Variants in TACC2 observed in about 807,000 individuals in gnomAD.
TACC2 encodes transforming acidic coiled-coil containing protein 2.
TACC2 carries 137 observed loss-of-function variants against 227.3 expected under a neutral mutation model. That is an observed-to-expected ratio of 0.60 (90% CI 0.52 to 0.69). The LOEUF is 0.69. Among genes scored for constraint, TACC2 ranks in the 30% least tolerant of loss-of-function variants. The pLI is 0.00. For missense variants in TACC2, 3,470 were observed against 3,694.4 expected (o/e 0.94, Z 1.57); for synonymous variants, 1,523 against 1,487.5 (o/e 1.02, Z -0.55).
chr10:122,047,061 C>T (rs549904818), intron 2 of TACC2, among the ~76,000 whole-genome samples: 1 of 151,400 alleles, frequency 6.6e-6, no homozygotes, highest in African/African-American at 2.4e-5. Context: ...GAGGCTGAGG[C>T]GGGCAGATCA....
chr10:122,241,954 A>G lies in TACC2; in HGVS notation c.8349-4A>G. On this transcript the variant is annotated splice_polypyrimidine_tract_variant and splice_region_variant and intron_variant, in intron 18 of 22. Coordinates refer to ENST00000369005, the MANE Select transcript of TACC2 (RefSeq NM_206862.4). ...ACTCCAACGTGTCTTTACTTCTCTT[A>G]TAGGAAAATAGTGGCCGAGTATGAG... 1 of 1,614,038 alleles carries G rather than the reference A, an allele frequency of 6.2e-7. No individual in the cohort carries two copies. The highest frequency in any genetic ancestry group is 8.5e-7 in the Non-Finnish European group (1 of 1,179,890).
At chr10:122,090,572 A>G (rs977938055) in intron 5 of TACC2, among the ~76,000 whole-genome samples, 2 of 150,716 alleles carry the variant, frequency 1.3e-5, no homozygotes, top group East Asian at 1.9e-4. Context: ...AGAAAAAAAA[A>G]AAAGAAAGAA....
chr10:122,093,439 T>C (rs2081050152), intron 5 of TACC2, among the ~76,000 whole-genome samples: 1 of 152,208 alleles, frequency 6.6e-6, no homozygotes, highest in Admixed American at 6.5e-5. Context: ...AGAATAAGCT[T>C]TTAGAGGATG....
At chr10:121,990,354 G>A (rs905426734) in intron 1 of TACC2, among the ~76,000 whole-genome samples, 1 of 152,082 alleles carries the variant, frequency 6.6e-6, no homozygotes, top group African/African-American at 2.4e-5. Context: ...CTAGGCTCAA[G>A]TGATCCTCCT....
Position 122,166,711 on chromosome 10 carries a change from T to G in TACC2, c.5834+23005T>G, listed in dbSNP as rs533270272. On this transcript the variant is annotated intron_variant, in intron 7 of 22. Transcript: ENST00000369005. ...AGGCATCTCAAAATTTGAGAAGCCA[T>G]GAGCTGGTTCAGTCTTCCCTCCATC... Among the ~76,000 whole-genome samples the G allele has an allele frequency of 9.2e-5, 14 of 152,352 alleles. No individual in the cohort carries two copies. The South Asian group carries it at 2.9e-3, about 32-fold the overall frequency.
At chr10:122,059,121 T>C (rs1310052414) in intron 3 of TACC2, among the ~76,000 whole-genome samples, 1 of 149,866 alleles carries the variant, frequency 6.7e-6, no homozygotes, top group Non-Finnish European at 1.5e-5. Context: ...TTTCACCATG[T>C]TGGTCAGGCT....
At chr10:122,071,844 G>A (rs1340330277) in intron 3 of TACC2, among the ~76,000 whole-genome samples, 4 of 142,962 alleles carry the variant, frequency 2.8e-5, no homozygotes, top group East Asian at 4.2e-4. Context: ...CCGAGATTGC[G>A]CCACTGCACT....
At chr10:122,048,156 A>G (rs756720248) in intron 2 of TACC2, among the ~76,000 whole-genome samples, 1 of 152,182 alleles carries the variant, frequency 6.6e-6, no homozygotes, top group Non-Finnish European at 1.5e-5. Context: ...AGAAACGTCA[A>G]GATTAATTTA....
intron 5 of TACC2, among the ~76,000 whole-genome samples, chr10:122,132,049 A>AAAGGAAGGAAGGAAGGAAGGAAGG (rs1565389849): frequency 0.052 from 280 of 5,400 alleles, 4 homozygotes; most frequent in African/African-American, 0.063. Context: ...AGAAAGAAAG[A>AAAGGAAGGAAGGAAGGAAGGAAGG]AAGAAAGAAA....
Position 122,134,410 on chromosome 10 carries a change from C to T in TACC2, c.5699+1676C>T, listed in dbSNP as rs1326620655. 1.3e-5 allele frequency among the ~76,000 whole-genome samples: 2 copies of T among 152,024 alleles called. 1 individual carries two copies. ...CCAGGCTGTTCTCAAACTCCTGACC[C>T]CCAGGTAATCTGCCTGCCTCGGCCT... On this transcript the variant is annotated intron_variant, in intron 6 of 22. Coordinates refer to ENST00000369005, the MANE Select transcript of TACC2 (RefSeq NM_206862.4).
At chr10:122,078,682 T>C (rs1013290231) in intron 3 of TACC2, among the ~76,000 whole-genome samples, 2 of 152,246 alleles carry the variant, frequency 1.3e-5, no homozygotes, top group South Asian at 4.1e-4. Flanking sequence ...AAGGATATTA[T>C]GTAAGCTTCA....
chr10:122,082,713 C>T lies in TACC2; in HGVS notation c.213C>T (p.Cys71=), dbSNP rs756461782. 22 of 1,613,972 alleles carry T rather than the reference C, an allele frequency of 1.4e-5. No homozygotes were observed. The African/African-American group carries it at 2.3e-4, about 17-fold the overall frequency. ...AGAGTTCTGCCAGCCTGGATCCATG[C>T]CTTGTGTCCCCAGAGGTGACTGAGC... ...ASESSASLDP[C]LVSPEVTEPR... is the part of the protein sequence containing the mutation. The change falls in exon 4 of 23, where the codon TGC becomes TGT. Residue 71 remains cysteine, a synonymous_variant. Transcript: ENST00000369005.
chr10:122,062,025 CTTTTTTTTTT>C (rs140523380), intron 3 of TACC2, among the ~76,000 whole-genome samples: 7 of 63,968 alleles, frequency 1.1e-4, no homozygotes, highest in Admixed American at 2.6e-4. Context: ...GTCAGAGCGG[CTTTTTTTTTT>C]TTTTTTTTTT....
intron 7 of TACC2, among the ~76,000 whole-genome samples, chr10:122,185,177 CT>C (rs2094140318): frequency 6.7e-6 from 1 of 149,936 alleles, no homozygotes; most frequent in East Asian, 2.0e-4. Context: ...ATCACATACT[CT>C]TTTCTTTCTT....
chr10:122,223,999 G>A (rs891736281), intron 11 of TACC2, among the ~76,000 whole-genome samples: 1 of 152,156 alleles, frequency 6.6e-6, no homozygotes, highest in Non-Finnish European at 1.5e-5. Context: ...TGCTGGATGG[G>A]GAGTTCAGTT....
intron 7 of TACC2, chr10:122,163,577 C>T (rs2092955835): frequency 1.0e-6 from 1 of 998,534 alleles, no homozygotes; most frequent in Non-Finnish European, 1.2e-6. Context: ...GTGTCACACA[C>T]AGGAGCCGGC....
chr10:122,115,715 G>C (rs940909333), intron 5 of TACC2, among the ~76,000 whole-genome samples: 1 of 152,186 alleles, frequency 6.6e-6, no homozygotes, highest in Admixed American at 6.5e-5. Context: ...GCTTGATGGG[G>C]AGCACCTGTG....
intron 1 of TACC2, among the ~76,000 whole-genome samples, chr10:121,996,304 C>T (rs1453447337): frequency 2.6e-5 from 4 of 152,144 alleles, no homozygotes; most frequent in Admixed American, 1.3e-4. Context: ...GATCATCCTG[C>T]CTCGACCTCC....
At chr10:122,215,533 T>C in intron 10 of TACC2, 82 bp downstream of exon 10, 3 of 1,205,082 alleles carry the variant, frequency 2.5e-6, no homozygotes, top group Non-Finnish European at 3.7e-6. Flanking sequence ...CTTTGCTTTC[T>C]GCTCATCCCG....
Sources: gnomAD v4.1 joint callset for allele counts (sites outside exome capture counted in the v4.1 genomes callset) on GRCh38, gnomAD v4.1.1 for gene constraint, MANE v1.5 for transcripts, NCBI Gene and HGNC (gene_info 2026-07-23, HGNC 2026-07-21) for gene names.